Variants in ADGRB3 observed in about 807,000 individuals in gnomAD.
ADGRB3 encodes adhesion G protein-coupled receptor B3.
ADGRB3 carries 37 observed loss-of-function variants against 193.4 expected under a neutral mutation model. The observed-to-expected ratio is 0.19, with a 90% CI of 0.15 to 0.25. The LOEUF (loss-of-function observed/expected upper bound fraction) is 0.25, where lower values mean the gene tolerates loss of function less well. ADGRB3 is among the 10% of genes least tolerant of loss of function. The pLI is 1.00. For missense variants in ADGRB3, 1,637 were observed against 1,852.9 expected, an observed-to-expected ratio of 0.88 and a Z score of 2.14; for synonymous variants, 690 against 644.2, an observed-to-expected ratio of 1.07 and a Z score of -1.08.
chr6:69,005,163 GTGTTAGTATCAT>G (rs1769709623), intron 11 of ADGRB3, among the ~76,000 whole-genome samples: 1 of 152,000 alleles, frequency 6.6e-6, no homozygotes, highest in Non-Finnish European at 1.5e-5. Context: ...ATATTTAATG[GTGTTAGTATCAT>G]TAACTATTTT....
intron 3 of ADGRB3, among the ~76,000 whole-genome samples, chr6:68,906,409 G>T (rs191297372): frequency 1.3e-4 from 20 of 150,984 alleles, no homozygotes; most frequent in South Asian, 6.2e-4. Flanking sequence ...AAGCAAGAAG[G>T]TATACCATAT....
intron 29 of ADGRB3, among the ~76,000 whole-genome samples, chr6:69,364,609 A>G (rs1769529925): frequency 6.6e-6 from 1 of 152,064 alleles, no homozygotes; most frequent in Non-Finnish European, 1.5e-5. Context: ...GTCATTCCCA[A>G]ATGAACTTGT....
chr6:69,365,141 A>G (rs1209337857), intron 29 of ADGRB3, among the ~76,000 whole-genome samples: 2 of 152,080 alleles, frequency 1.3e-5, no homozygotes, highest in South Asian at 2.1e-4. Context: ...TGTTTAGCAC[A>G]TGGTCCATTC....
intron 20 of ADGRB3, among the ~76,000 whole-genome samples, chr6:69,269,601 A>G (rs908959121): frequency 6.6e-6 from 1 of 152,166 alleles, no homozygotes; most frequent in Admixed American, 6.6e-5. Flanking sequence ...AAGGGAGTCA[A>G]TGCTAACACT....
intron 3 of ADGRB3, among the ~76,000 whole-genome samples, chr6:68,871,845 T>A (rs1352797057): frequency 6.6e-6 from 1 of 152,140 alleles, no homozygotes; most frequent in Non-Finnish European, 1.5e-5. Flanking sequence ...AAATGTTTTA[T>A]CTCCCTAAAA....
intron 3 of ADGRB3, among the ~76,000 whole-genome samples, chr6:68,768,643 C>T (rs12215367): frequency 0.096 from 14,578 of 151,896 alleles, 915 homozygotes; most frequent in Middle Eastern, 0.27. Context: ...AAAGGCTTCA[C>T]GACTAAAACA....
At chr6:69,130,330 A>T (rs1031277098) in intron 17 of ADGRB3, among the ~76,000 whole-genome samples, 29 of 152,106 alleles carry the variant, frequency 1.9e-4, no homozygotes, top group African/African-American at 6.7e-4. Flanking sequence ...TTGGGATTAT[A>T]TAAGTATTCA....
chr6:68,907,552 G>T (rs186114772), intron 3 of ADGRB3, among the ~76,000 whole-genome samples: 248 of 151,544 alleles, frequency 1.6e-3, no homozygotes, highest in African/African-American at 4.8e-3. Flanking sequence ...ATTTTTTTAG[G>T]GATTCCTATT....
chr6:68,989,245 T>A (rs552084299), intron 10 of ADGRB3, among the ~76,000 whole-genome samples: 1 of 152,214 alleles, frequency 6.6e-6, no homozygotes, highest in Admixed American at 6.5e-5. Flanking sequence ...TTGTTTAAAA[T>A]CGTTAAGACA....
At chr6:69,207,533 G>A (rs956913137) in intron 17 of ADGRB3, among the ~76,000 whole-genome samples, 49 of 152,244 alleles carry the variant, frequency 3.2e-4, no homozygotes, top group Middle Eastern at 3.4e-3. Flanking sequence ...TTTTACTGAG[G>A]TAGAAGGTGC....
At chr6:69,171,676 C>G (rs558517442) in intron 17 of ADGRB3, among the ~76,000 whole-genome samples, 1 of 152,236 alleles carries the variant, frequency 6.6e-6, no homozygotes, top group East Asian at 1.9e-4. Context: ...CAACCTCATT[C>G]CCTGTCTTCC....
intron 3 of ADGRB3, among the ~76,000 whole-genome samples, chr6:68,916,044 G>A (rs1766869168): frequency 6.6e-6 from 1 of 151,966 alleles, no homozygotes; most frequent in Non-Finnish European, 1.5e-5. Flanking sequence ...AGCAGCAGAT[G>A]CAACACAAGG....
intron 17 of ADGRB3, chr6:69,233,007 G>T: frequency 2.2e-6 from 1 of 453,030 alleles, no homozygotes; most frequent in Admixed American, 4.0e-5. Context: ...TGCCGCTGCT[G>T]TTCCTCGCAT....
intron 17 of ADGRB3, among the ~76,000 whole-genome samples, chr6:69,108,400 TTC>T (rs200867517): frequency 0.14 from 20,353 of 150,234 alleles, 1,458 homozygotes; most frequent in Middle Eastern, 0.3. Flanking sequence ...TTTTTTTTTT[TTC>T]CAAATCTCAT....
chr6:69,377,248 A>T (rs944461495), intron 30 of ADGRB3, among the ~76,000 whole-genome samples: 15 of 152,058 alleles, frequency 9.9e-5, no homozygotes, highest in Admixed American at 5.9e-4. Flanking sequence ...GTGCTTTGGC[A>T]TACTGAGTGC....
intron 17 of ADGRB3, among the ~76,000 whole-genome samples, chr6:69,077,493 C>T (rs543869869): frequency 7.3e-5 from 11 of 151,614 alleles, no homozygotes; most frequent in South Asian, 2.1e-4. Flanking sequence ...TTGATCTAAA[C>T]GGGGGAAAGT....
chr6:68,825,192 T>C (rs1205353498), intron 3 of ADGRB3, among the ~76,000 whole-genome samples: 1 of 152,060 alleles, frequency 6.6e-6, no homozygotes, highest in Admixed American at 6.6e-5. Context: ...ATGCTTTAAT[T>C]TTTTTTTCGT....
At chr6:69,231,344 A>G (rs568759330) in intron 17 of ADGRB3, among the ~76,000 whole-genome samples, 1 of 152,316 alleles carries the variant, frequency 6.6e-6, no homozygotes, top group Non-Finnish European at 1.5e-5. Context: ...TCTTGTTAAG[A>G]TATTGAATTG....
At chr6:69,211,422 T>C (rs2127239841) in intron 17 of ADGRB3, among the ~76,000 whole-genome samples, 1 of 152,316 alleles carries the variant, frequency 6.6e-6, no homozygotes, top group South Asian at 2.1e-4. Context: ...AACTTAATCC[T>C]ATATATCTTT....
Sources: gnomAD v4.1 joint callset for allele counts (sites outside exome capture counted in the v4.1 genomes callset) on GRCh38, gnomAD v4.1.1 for gene constraint, MANE v1.5 for transcripts, NCBI Gene and HGNC (gene_info 2026-07-23, HGNC 2026-07-21) for gene names.